Variants in ZC3H12B observed in about 807,000 individuals in gnomAD.
ZC3H12B encodes the protein probable ribonuclease ZC3H12B.
ZC3H12B carries 7 observed loss-of-function variants against 43.9 expected under a neutral mutation model. The ratio of observed to expected loss-of-function variants is 0.16; its 90% CI spans 0.09 to 0.30. The LOEUF (loss-of-function observed/expected upper bound fraction) is 0.30. Among genes scored for constraint, ZC3H12B ranks in the 10% least tolerant of loss-of-function variants. The pLI is 1.00. For synonymous variants in ZC3H12B, 222 were observed against 241.7 expected (o/e 0.92, Z 0.76); for missense variants, 475 against 670.2 (o/e 0.71, Z 3.22).
chrX:65,370,039 G>A (rs1286833040), intron 2 of ZC3H12B, among the ~76,000 whole-genome samples: 1 of 111,217 alleles, frequency 9.0e-6, no homozygotes, highest in African/African-American at 3.3e-5. Flanking sequence ...TTGAGCTCAG[G>A]AGTTCAAGAC....
chrX:65,420,160 G>A (rs1287493394), intron 3 of ZC3H12B, among the ~76,000 whole-genome samples: 1 of 111,685 alleles, frequency 9.0e-6, no homozygotes, highest in Non-Finnish European at 1.9e-5. Context: ...AGCCTGCCCT[G>A]GCACCACATT....
chrX:65,120,248 T>A, the ZC3H12B span, among the ~76,000 whole-genome samples: 39 of 112,059 alleles, frequency 3.5e-4, no homozygotes, highest in Admixed American at 3.2e-3. Context: ...AGTATGGCCA[T>A]TTTCACGATA....
chrX:65,082,918 C>A, the ZC3H12B span, among the ~76,000 whole-genome samples: 2 of 110,699 alleles, frequency 1.8e-5, no homozygotes, highest in Middle Eastern at 4.7e-3. Flanking sequence ...ATGACCAAAT[C>A]GGATTTATCT....
the ZC3H12B span, among the ~76,000 whole-genome samples, chrX:65,094,132 T>G: frequency 9.1e-6 from 1 of 110,296 alleles, no homozygotes; most frequent in Non-Finnish European, 1.9e-5. Context: ...GCTCCAGCCA[T>G]GAGAGGTGCC....
At chrX:65,484,069 G>A (rs1363683518), upstream of ZC3H12B, among the ~76,000 whole-genome samples, 1 of 112,089 alleles carries the variant, frequency 8.9e-6, no homozygotes, top group Non-Finnish European at 1.9e-5. Flanking sequence ...ACACGTGCAT[G>A]TGTCTTTATA....
chrX:65,285,622 C>T, the ZC3H12B span, among the ~76,000 whole-genome samples: 1 of 111,020 alleles, frequency 9.0e-6, no homozygotes, highest in Non-Finnish European at 1.9e-5. Flanking sequence ...TTTTCAGAAA[C>T]AAAAGAAAAA....
At chrX:65,502,300 C>T (rs1365104764) in exon 5 of ZC3H12B, 8 of 1,211,440 alleles carry the variant, frequency 6.6e-6, no homozygotes, top group Non-Finnish European at 8.9e-6. Flanking sequence ...CTGAGCAATA[C>T]CCAAAGTTTG....
At chrX:65,409,959 A>G (rs1386528026) in intron 3 of ZC3H12B, among the ~76,000 whole-genome samples, 1 of 111,146 alleles carries the variant, frequency 9.0e-6, no homozygotes, top group Non-Finnish European at 1.9e-5. Flanking sequence ...ATAGAAAAAA[A>G]TGCTAAAATT....
the ZC3H12B span, among the ~76,000 whole-genome samples, chrX:65,231,111 G>C: frequency 9.0e-6 from 1 of 110,806 alleles, no homozygotes; most frequent in Non-Finnish European, 1.9e-5. Context: ...TTTACAACTG[G>C]GCCTCCGGAG....
chrX:65,104,937 A>G, the ZC3H12B span, among the ~76,000 whole-genome samples: 3 of 111,889 alleles, frequency 2.7e-5, no homozygotes, highest in Non-Finnish European at 5.6e-5. Flanking sequence ...TCATTCTACT[A>G]TAAAGACACA....
chrX:65,242,407 A>G, the ZC3H12B span, among the ~76,000 whole-genome samples: 1 of 112,022 alleles, frequency 8.9e-6, no homozygotes, highest in African/African-American at 3.2e-5. Flanking sequence ...CAAATAAAAT[A>G]AAGTACCTAG....
At chrX:65,232,599 C>A in the ZC3H12B span, among the ~76,000 whole-genome samples, 1 of 110,927 alleles carries the variant, frequency 9.0e-6, no homozygotes, top group South Asian at 3.7e-4. Context: ...ATAATAAATT[C>A]ACAGAAAACA....
chrX:65,353,533 G>A, the ZC3H12B span, among the ~76,000 whole-genome samples: 3 of 112,000 alleles, frequency 2.7e-5, no homozygotes, highest in African/African-American at 9.7e-5. Flanking sequence ...AGTTGTGAAT[G>A]CAAAGGAAAG....
chrX:65,259,193 A>G, the ZC3H12B span, among the ~76,000 whole-genome samples: 12 of 112,282 alleles, frequency 1.1e-4, no homozygotes, highest in Non-Finnish European at 1.9e-4. Flanking sequence ...TCAAAACATC[A>G]TAGTACTGGT....
the ZC3H12B span, among the ~76,000 whole-genome samples, chrX:65,068,831 T>C: frequency 3.6e-5 from 4 of 111,733 alleles, no homozygotes; most frequent in East Asian, 1.1e-3. Flanking sequence ...CTCTCATCTT[T>C]TGTTTTTCTG....
the ZC3H12B span, among the ~76,000 whole-genome samples, chrX:65,054,784 C>T: frequency 1.8e-5 from 2 of 111,212 alleles, no homozygotes; most frequent in Non-Finnish European, 3.8e-5. Flanking sequence ...TAGTAGTTCT[C>T]CTTGAAGAAG....
chrX:65,164,419 C>G, the ZC3H12B span, among the ~76,000 whole-genome samples: 1 of 111,263 alleles, frequency 9.0e-6, no homozygotes, highest in Non-Finnish European at 1.9e-5. Context: ...ATGATAATAT[C>G]TATAGGAGCA....
At chrX:65,060,178 C>T in the ZC3H12B span, among the ~76,000 whole-genome samples, 1 of 112,056 alleles carries the variant, frequency 8.9e-6, no homozygotes. Context: ...TTAACTTCTT[C>T]CATTCTAATT....
chrX:65,310,449 G>A, the ZC3H12B span, among the ~76,000 whole-genome samples: 1 of 111,653 alleles, frequency 9.0e-6, no homozygotes, highest in Admixed American at 9.5e-5. Flanking sequence ...TACAAGGGAC[G>A]TGAAGGACCT....
Sources: allele counts gnomAD v4.1 joint callset (sites outside exome capture counted in the v4.1 genomes callset), GRCh38; gene constraint gnomAD v4.1.1; transcripts MANE v1.5; gene names NCBI Gene and HGNC (gene_info 2026-07-23, HGNC 2026-07-21).